CACNA2D3: variants seen among roughly 807,000 people sequenced by gnomAD.
CACNA2D3 encodes the protein voltage-dependent calcium channel subunit alpha-2/delta-3.
CACNA2D3 carries 60 observed loss-of-function variants against 160.6 expected under a neutral mutation model. The observed-to-expected ratio is 0.37, with a 90% CI of 0.30 to 0.46. The LOEUF is 0.46. Ranked by LOEUF, CACNA2D3 falls within the 20% of genes least tolerant of loss-of-function variation. The pLI is 1.00. For missense variants in CACNA2D3, 1,205 were observed against 1,365.0 expected (o/e 0.88, Z 1.85); for synonymous variants, 558 against 492.9 (o/e 1.13, Z -1.75).
rs562074554 is a variant in CACNA2D3 at position 54,898,285 on chromosome 3, T to A, written c.2368+1415T>A. On this transcript the variant is annotated intron_variant, in intron 26 of 37. Coordinates refer to ENST00000474759, the MANE Select transcript of CACNA2D3 (RefSeq NM_018398.3). The stretch of plus-strand genomic sequence containing the variant: ...TCACCCAGGTTGGAGTGCAGTGGCA[T>A]GATCTTGGCTCATTGCAACCTCTGC... Among the ~76,000 whole-genome samples the A allele has an allele frequency of 3.4e-5, 5 of 148,398 alleles. No individual in the cohort carries two copies. In the East Asian group the frequency reaches 1.1e-3, roughly 32 times the overall value.
chr3:54,376,014 T>A (rs1699006215), intron 3 of CACNA2D3, among the ~76,000 whole-genome samples: 1 of 152,188 alleles, frequency 6.6e-6, no homozygotes, highest in Non-Finnish European at 1.5e-5. Flanking sequence ...TTATCCTTTT[T>A]AATTTTTTTC....
intron 3 of CACNA2D3, among the ~76,000 whole-genome samples, chr3:54,323,447 C>T (rs1325325136): frequency 2.0e-5 from 3 of 149,572 alleles, no homozygotes; most frequent in African/African-American, 4.9e-5. Flanking sequence ...CTCCTTTCCT[C>T]TCCTCTTTTC....
At chr3:54,354,617 T>C (rs1437471518) in intron 3 of CACNA2D3, among the ~76,000 whole-genome samples, 1 of 152,204 alleles carries the variant, frequency 6.6e-6, no homozygotes, top group Non-Finnish European at 1.5e-5. Context: ...GCCAATTGAA[T>C]GAATGCAAAA....
chr3:54,954,050 T>C (rs1701822786), intron 27 of CACNA2D3, among the ~76,000 whole-genome samples: 1 of 152,224 alleles, frequency 6.6e-6, no homozygotes, highest in Non-Finnish European at 1.5e-5. Flanking sequence ...ATTATCCTAG[T>C]AGGCAAGAAC....
chr3:54,606,870 A>G (rs1698638729), intron 9 of CACNA2D3, among the ~76,000 whole-genome samples: 1 of 152,188 alleles, frequency 6.6e-6, no homozygotes, highest in Non-Finnish European at 1.5e-5. Flanking sequence ...CATAGTATCC[A>G]CAACCTTTTC....
At chr3:54,462,939 C>T (rs1213137891) in intron 4 of CACNA2D3, among the ~76,000 whole-genome samples, 1 of 149,886 alleles carries the variant, frequency 6.7e-6, no homozygotes, top group Non-Finnish European at 1.5e-5. Flanking sequence ...ATGTTTAGTG[C>T]TTCCTTCAGG....
chr3:54,338,940 C>G (rs890795843), intron 3 of CACNA2D3, among the ~76,000 whole-genome samples: 10 of 152,182 alleles, frequency 6.6e-5, no homozygotes, highest in African/African-American at 1.9e-4. Context: ...CACAGACATT[C>G]CAGCATCCCA....
At chr3:54,601,524 A>T (rs1158538195) in intron 9 of CACNA2D3, among the ~76,000 whole-genome samples, 3 of 152,034 alleles carry the variant, frequency 2.0e-5, no homozygotes, top group African/African-American at 7.2e-5. Flanking sequence ...TTTTAAAAGT[A>T]TGATTCCTGG....
In CACNA2D3 at chr3:54,156,657, T is replaced by C. The variant is rs149357055; in HGVS notation, c.204+33063T>C. On this transcript the variant is annotated intron_variant, in intron 2 of 37. Coordinates refer to ENST00000474759, the MANE Select transcript of CACNA2D3 (RefSeq NM_018398.3). Reference sequence around the variant, plus strand: ...TGTGTGACTTCTCAGTCTTTGTCTTTGCCTTGGTGGAGCCAGCCACCATGT... The same window carrying C: ...TGTGTGACTTCTCAGTCTTTGTCTTCGCCTTGGTGGAGCCAGCCACCATGT... Among the ~76,000 whole-genome samples the C allele has an allele frequency of 7.9e-4, 121 of 152,344 alleles. No homozygotes were observed. The East Asian group carries it at 0.021, about 26-fold the overall frequency.
At chr3:54,356,018 G>A (rs1698643542) in intron 3 of CACNA2D3, among the ~76,000 whole-genome samples, 1 of 145,882 alleles carries the variant, frequency 6.9e-6, no homozygotes. Flanking sequence ...GGACTGGCTG[G>A]ACCAACCACA....
intron 4 of CACNA2D3, among the ~76,000 whole-genome samples, chr3:54,401,830 A>C (rs943598800): frequency 2.0e-5 from 3 of 152,204 alleles, no homozygotes; most frequent in African/African-American, 7.2e-5. Context: ...TCAATGGTAA[A>C]GGTCAAGTCC....
At chr3:54,795,849 G>A (rs1483492232) in intron 13 of CACNA2D3, among the ~76,000 whole-genome samples, 1 of 152,270 alleles carries the variant, frequency 6.6e-6, no homozygotes, top group Non-Finnish European at 1.5e-5. Context: ...TCTATTTCAT[G>A]ATTTAATTGT....
rs1010591572 is a variant in CACNA2D3, at chr3:54,122,727, G to T, written c.14G>T (p.Gly5Val). MAGP[G>V]SPRRASRGAS... is the part of the protein sequence containing the mutation. ...AGGGAGCCCAGCATGGCCGGGCCGG[G>T]CTCGCCGCGCCGCGCGTCCCGGGGG... The change falls in exon 1 of 38, where the codon GGC (glycine) becomes GTC (valine). Residue 5 changes from glycine (G) to valine (V), a missense_variant. This residue lies in a region of CACNA2D3 where 163 missense variants were observed against 161.3 expected (regional missense o/e 1.01). Coordinates refer to ENST00000474759, the MANE Select transcript of CACNA2D3 (RefSeq NM_018398.3). The T allele has an allele frequency of 4.6e-5, 56 of 1,204,808 alleles. No homozygotes were observed. Among genetic ancestry groups the T allele is most frequent in the East Asian group, 6.8e-5 (2 of 29,318 alleles). The allele number at this position is 1,204,808 out of a possible 1,614,324, so 74.6% of individuals were successfully genotyped here.
intron 11 of CACNA2D3, among the ~76,000 whole-genome samples, chr3:54,723,390 A>AG (rs746130125): frequency 4.6e-5 from 7 of 152,096 alleles, no homozygotes; most frequent in Non-Finnish European, 7.4e-5. Flanking sequence ...ACCCCTTTCC[A>AG]GGGGAGTGAA....
chr3:54,861,059 T>C (rs112517772), intron 17 of CACNA2D3, among the ~76,000 whole-genome samples: 330 of 152,274 alleles, frequency 2.2e-3, no homozygotes, highest in African/African-American at 7.6e-3. Flanking sequence ...GTCCTAGGCA[T>C]GTGGTCCGGT....
intron 27 of CACNA2D3, among the ~76,000 whole-genome samples, chr3:54,937,795 G>T (rs1701367715): frequency 1.3e-5 from 2 of 152,100 alleles, no homozygotes; most frequent in African/African-American, 2.4e-5. Context: ...AGATGGCACA[G>T]CATCTTAGGG....
rs140758162 is a variant in CACNA2D3, at chr3:54,128,754, G to T, written c.204+5160G>T. ...TCTACACAGGCAATGTTAGCAGATT[G>T]TGTGTTCCCTGGGACACTGTGATTT... On this transcript the variant is annotated intron_variant, in intron 2 of 37. Transcript: ENST00000474759. Among the ~76,000 whole-genome samples the T allele has an allele frequency of 3.3e-3, 500 of 152,316 alleles. 3 individuals are homozygous for T. Among genetic ancestry groups the T allele is most frequent in the African/African-American group, 0.012 (478 of 41,558 alleles).
intron 3 of CACNA2D3, among the ~76,000 whole-genome samples, chr3:54,354,818 G>T (rs2107536115): frequency 6.6e-6 from 1 of 152,254 alleles, no homozygotes; most frequent in East Asian, 1.9e-4. Flanking sequence ...CATATCTTTT[G>T]TACAGCACAG....
chr3:55,014,959 G>A (rs943439466), intron 34 of CACNA2D3, among the ~76,000 whole-genome samples: 10 of 152,174 alleles, frequency 6.6e-5, no homozygotes, highest in Admixed American at 5.9e-4. Flanking sequence ...CCAGCCAATA[G>A]TCGTGCTGCA....
Sources: gnomAD v4.1 joint callset for allele counts (sites outside exome capture counted in the v4.1 genomes callset) on GRCh38, gnomAD v4.1.1 for gene constraint, gnomAD v4.1.1 regional missense constraint, MANE v1.5 for transcripts, NCBI Gene and HGNC (gene_info 2026-07-23, HGNC 2026-07-21) for gene names.